Variants in ROBO1 observed in about 807,000 individuals in gnomAD.
The protein encoded by ROBO1 is roundabout guidance receptor 1.
Under a neutral mutation model 195.9 loss-of-function variants are expected in ROBO1, and 149 were observed. That is an observed-to-expected ratio of 0.76 (90% CI 0.67 to 0.87). The LOEUF is 0.87. ROBO1 is among the 40% of genes least tolerant of loss of function. The pLI is 0.00. For synonymous variants in ROBO1, 816 were observed against 733.2 expected, an observed-to-expected ratio of 1.11 and a Z score of -1.82; for missense variants, 1,933 against 2,068.3, an observed-to-expected ratio of 0.93 and a Z score of 1.27.
intron 1 of ROBO1, among the ~76,000 whole-genome samples, chr3:79,689,208 T>A (rs996760839): frequency 3.3e-5 from 5 of 152,006 alleles, no homozygotes; most frequent in African/African-American, 1.2e-4. Flanking sequence ...AAAGTACATG[T>A]AATTAACTAC....
chr3:79,240,627 G>T (rs1454168125), intron 2 of ROBO1, among the ~76,000 whole-genome samples: 1 of 151,930 alleles, frequency 6.6e-6, no homozygotes, highest in Admixed American at 6.6e-5. Flanking sequence ...CACTTACACA[G>T]ATATAACATT....
intron 3 of ROBO1, among the ~76,000 whole-genome samples, chr3:79,021,003 G>A (rs567545501): frequency 6.6e-6 from 1 of 152,190 alleles, no homozygotes; most frequent in African/African-American, 2.4e-5. Context: ...ATTGTACATT[G>A]ATTTTGGTTG....
At chr3:79,086,820 T>C (rs535570859) in intron 3 of ROBO1, among the ~76,000 whole-genome samples, 1 of 152,266 alleles carries the variant, frequency 6.6e-6, no homozygotes, top group African/African-American at 2.4e-5. Context: ...TGAATTATTA[T>C]GCAATAATCA....
chr3:78,711,313 T>TTC (rs1278295968), intron 8 of ROBO1, among the ~76,000 whole-genome samples: 2 of 141,452 alleles, frequency 1.4e-5, no homozygotes, highest in South Asian at 4.4e-4. Context: ...CTTTCTTTCT[T>TTC]TCTCTCTCTC....
At chr3:79,228,042 A>G (rs1168244605) in intron 2 of ROBO1, among the ~76,000 whole-genome samples, 1 of 152,178 alleles carries the variant, frequency 6.6e-6, no homozygotes, top group Admixed American at 6.5e-5. Flanking sequence ...TAAGATTTTC[A>G]TAGACATTTC....
chr3:78,680,513 G>C (rs2080871412), intron 10 of ROBO1, among the ~76,000 whole-genome samples: 1 of 151,968 alleles, frequency 6.6e-6, no homozygotes, highest in African/African-American at 2.4e-5. Context: ...CCATCAAAAA[G>C]TGGGCGAAGG....
chr3:79,498,645 G>T (rs774696856), intron 2 of ROBO1, among the ~76,000 whole-genome samples: 8 of 152,142 alleles, frequency 5.3e-5, no homozygotes, highest in Non-Finnish European at 1.0e-4. Context: ...CCTGAGGTCA[G>T]AAGTTCAAGA....
intron 3 of ROBO1, among the ~76,000 whole-genome samples, chr3:78,939,712 T>A (rs550596798): frequency 2.0e-5 from 3 of 150,738 alleles, no homozygotes; most frequent in East Asian, 1.9e-4. Flanking sequence ...GACTTTTATA[T>A]CTTCCTAAAT....
intron 2 of ROBO1, among the ~76,000 whole-genome samples, chr3:79,389,428 T>C (rs951329136): frequency 6.6e-6 from 1 of 152,122 alleles, no homozygotes; most frequent in Non-Finnish European, 1.5e-5. Flanking sequence ...TATATTAGTA[T>C]GGTTGAGAAA....
intron 2 of ROBO1, among the ~76,000 whole-genome samples, chr3:79,174,569 C>T (rs909461800): frequency 2.6e-5 from 4 of 152,058 alleles, no homozygotes; most frequent in African/African-American, 9.7e-5. Context: ...CTTCATAGTC[C>T]GTAATTGTCA....
At chr3:79,743,648 G>A (rs2107439027) in intron 1 of ROBO1, among the ~76,000 whole-genome samples, 1 of 152,112 alleles carries the variant, frequency 6.6e-6, no homozygotes, top group Middle Eastern at 3.4e-3. Context: ...ACAACATTTA[G>A]CTTAAACACA....
intron 2 of ROBO1, among the ~76,000 whole-genome samples, chr3:79,361,357 A>G: frequency 6.6e-6 from 1 of 152,080 alleles, no homozygotes; most frequent in East Asian, 1.9e-4. Context: ...CTGGAAAATC[A>G]TCTTTACTAT....
At chr3:78,660,290 A>C (rs1314130672) in intron 16 of ROBO1, 1 of 153,412 alleles carries the variant, frequency 6.5e-6, no homozygotes, top group Non-Finnish European at 1.5e-5. Flanking sequence ...TTCCTCACTC[A>C]ATGCTAATTC....
At chr3:78,993,981 T>C (rs2077298554) in intron 3 of ROBO1, among the ~76,000 whole-genome samples, 1 of 151,440 alleles carries the variant, frequency 6.6e-6, no homozygotes, top group African/African-American at 2.4e-5. Context: ...TTTTACTAGA[T>C]ACCAGCTTTA....
Position 79,105,739 on chromosome 3 carries a change from A to G in ROBO1, c.172+19717T>C, listed in dbSNP as rs148053176. On this transcript the variant is annotated intron_variant, in intron 3 of 30. Coordinates refer to ENST00000464233, the MANE Select transcript of ROBO1 (RefSeq NM_002941.4). ...CTGCATTGAAAAAATCCTTAGTGTC[A>G]TCATGTGTATGTAATGAAAAGAGTA... Among the ~76,000 whole-genome samples, 357 of 151,892 alleles carry G rather than the reference A, an allele frequency of 2.4e-3. 2 individuals are homozygous for G. The highest frequency in any genetic ancestry group is 0.01 in the Middle Eastern group (3 of 294).
At chr3:79,496,965 T>C (rs1339762485) in intron 2 of ROBO1, among the ~76,000 whole-genome samples, 3 of 152,212 alleles carry the variant, frequency 2.0e-5, no homozygotes, top group Non-Finnish European at 2.9e-5. Context: ...GAAAAAGTTA[T>C]TTGCAAACAA....
chr3:78,721,905 T>C (rs1270223294), intron 5 of ROBO1, among the ~76,000 whole-genome samples: 1 of 152,008 alleles, frequency 6.6e-6, no homozygotes, highest in African/African-American at 2.4e-5. Context: ...TCTATACAAA[T>C]GGAGAAGGAG....
chr3:79,586,010 C>T (rs564877456), intron 2 of ROBO1, among the ~76,000 whole-genome samples: 10 of 151,870 alleles, frequency 6.6e-5, no homozygotes, highest in African/African-American at 2.2e-4. Context: ...GTAAGAAGCA[C>T]GCATGCAACA....
At chr3:79,751,592 C>A (rs1704133286) in intron 1 of ROBO1, among the ~76,000 whole-genome samples, 1 of 151,962 alleles carries the variant, frequency 6.6e-6, no homozygotes, top group African/African-American at 2.4e-5. Flanking sequence ...GGACTACTAC[C>A]CACTGTTAAA....
Sources: gnomAD v4.1 joint callset for allele counts (sites outside exome capture counted in the v4.1 genomes callset) on GRCh38, gnomAD v4.1.1 for gene constraint, MANE v1.5 for transcripts, NCBI Gene and HGNC (gene_info 2026-07-23, HGNC 2026-07-21) for gene names.